The following EPM2A variants were observed in gnomAD, a reference collection of about 807,000 sequenced individuals.
EPM2A encodes EPM2A glucan phosphatase, laforin.
EPM2A carries 21 observed loss-of-function variants against 26.5 expected under a neutral mutation model. That is an observed-to-expected ratio of 0.79 (90% CI 0.56 to 1.14). EPM2A has a LOEUF of 1.14. Ranked by LOEUF, EPM2A falls within the 50% of genes most tolerant of loss-of-function variation. The probability of loss-of-function intolerance (pLI) is 0.00; values close to 1 mark genes in which losing one functional copy is unlikely to be tolerated. For synonymous variants in EPM2A, 217 were observed against 177.6 expected (o/e 1.22, Z -1.76); for missense variants, 458 against 440.8 (o/e 1.04, Z -0.35).
chr6:145,552,249 C>T (rs1185451666), intron 2 of EPM2A, among the ~76,000 whole-genome samples: 1 of 151,806 alleles, frequency 6.6e-6, no homozygotes, highest in Non-Finnish European at 1.5e-5. Context: ...ATCCCAGAAG[C>T]CAATACATCT....
At chr6:145,431,939 A>C (rs1308624007) in intron 4 of EPM2A, among the ~76,000 whole-genome samples, 3 of 152,344 alleles carry the variant, frequency 2.0e-5, no homozygotes, top group Admixed American at 6.5e-5. Context: ...TTGTCATATA[A>C]ATGATGCTCA....
At chr6:145,460,487 G>A (rs1283718162) in intron 4 of EPM2A, among the ~76,000 whole-genome samples, 1 of 152,168 alleles carries the variant, frequency 6.6e-6, no homozygotes, top group Non-Finnish European at 1.5e-5. Flanking sequence ...AGGTGGGTAA[G>A]ATAAGTATAT....
intron 2 of EPM2A, among the ~76,000 whole-genome samples, chr6:145,605,418 C>A (rs893784833): frequency 3.3e-5 from 5 of 152,038 alleles, no homozygotes; most frequent in African/African-American, 4.8e-5. Flanking sequence ...CACTCTTGTA[C>A]CTGATGCTAT....
rs542914503 is a variant in EPM2A, at chr6:145,712,878, T to C, written c.301+22320A>G. Among the ~76,000 whole-genome samples, 10 of 152,276 alleles carry C rather than the reference T, an allele frequency of 6.6e-5. No homozygotes were observed. The South Asian group carries it at 1.9e-3, about 28-fold the overall frequency. On this transcript the variant is annotated intron_variant, in intron 1 of 3. Transcript: ENST00000367519. ...TCTGACTTCTTTTTGTTTCCTCATC[T>C]TAACAAATCTGTAAAGGGCACCAAT... is the stretch of plus-strand genomic sequence containing the variant.
intron 4 of EPM2A, chr6:145,490,544 C>T (rs1779740918): frequency 1.4e-6 from 1 of 711,060 alleles, no homozygotes; most frequent in Non-Finnish European, 2.7e-6. Flanking sequence ...ACTTTCTTCC[C>T]AGTTCTTTGC....
intron 2 of EPM2A, among the ~76,000 whole-genome samples, chr6:145,683,290 TGTGTGTGTGTGTGTGTGA>T (rs1358960500): frequency 2.0e-5 from 3 of 149,684 alleles, no homozygotes; most frequent in East Asian, 2.0e-4. Context: ...TGTGTGTGTG[TGTGTGTGTGTGTGTGTGA>T]GTGTGTATAT....
intron 4 of EPM2A, among the ~76,000 whole-genome samples, chr6:145,461,174 G>T (rs1205284675): frequency 6.6e-6 from 1 of 152,124 alleles, no homozygotes; most frequent in Non-Finnish European, 1.5e-5. Flanking sequence ...AATATTTCTA[G>T]CCCAAAGCAA....
chr6:145,708,858 C>A (rs1181906348), intron 1 of EPM2A, among the ~76,000 whole-genome samples: 1 of 152,214 alleles, frequency 6.6e-6, no homozygotes, highest in Non-Finnish European at 1.5e-5. Flanking sequence ...CACAGACACT[C>A]AACAGCAGCC....
chr6:145,447,872 CAA>C (rs938118752), intron 4 of EPM2A, among the ~76,000 whole-genome samples: 6 of 151,898 alleles, frequency 4.0e-5, no homozygotes, highest in Non-Finnish European at 8.8e-5. Context: ...ATAAACATAA[CAA>C]ATAAATGTAT....
intron 2 of EPM2A, among the ~76,000 whole-genome samples, chr6:145,587,481 G>A (rs1290893587): frequency 6.6e-6 from 1 of 152,146 alleles, no homozygotes; most frequent in African/African-American, 2.4e-5. Context: ...GAAACAAGTT[G>A]CAGAAGAGTG....
chr6:145,400,071 G>A (rs1778461897), intron 4 of EPM2A, among the ~76,000 whole-genome samples: 1 of 152,062 alleles, frequency 6.6e-6, no homozygotes, highest in African/African-American at 2.4e-5. Context: ...ATTCCCATCT[G>A]GCCTAAAACA....
chr6:145,672,670 A>G (rs2128600835), intron 2 of EPM2A, among the ~76,000 whole-genome samples: 1 of 152,340 alleles, frequency 6.6e-6, no homozygotes, highest in East Asian at 1.9e-4. Flanking sequence ...AAGGTTAAAG[A>G]AGTCTCTGGA....
intron 1 of EPM2A, among the ~76,000 whole-genome samples, chr6:145,728,254 AC>A (rs369026764): frequency 3.9e-5 from 6 of 152,344 alleles, no homozygotes; most frequent in African/African-American, 7.2e-5. Context: ...CTATAAAGAT[AC>A]CTGAAAATGT....
chr6:145,617,311 C>T (rs1338819755), intron 2 of EPM2A, among the ~76,000 whole-genome samples: 1 of 152,160 alleles, frequency 6.6e-6, no homozygotes. Flanking sequence ...ATGAGGCCTT[C>T]CCAGCCACAT....
intron 2 of EPM2A, among the ~76,000 whole-genome samples, chr6:145,563,465 G>A (rs1468035349): frequency 2.0e-5 from 3 of 151,782 alleles, no homozygotes; most frequent in Admixed American, 1.3e-4. Context: ...AGGAAGATGC[G>A]GTTAGAGAGG....
intron 4 of EPM2A, among the ~76,000 whole-genome samples, chr6:145,470,039 G>A (rs1779453494): frequency 6.6e-6 from 1 of 152,002 alleles, no homozygotes; most frequent in Non-Finnish European, 1.5e-5. Context: ...TAGTGGTAGG[G>A]GTAGGGGGAA....
intron 2 of EPM2A, among the ~76,000 whole-genome samples, chr6:145,582,488 T>C (rs1239963999): frequency 2.0e-5 from 3 of 152,234 alleles, no homozygotes; most frequent in Non-Finnish European, 4.4e-5. Context: ...GTCCCAATTA[T>C]CTTCTGACTT....
At chr6:145,561,003 G>C (rs773754992) in intron 2 of EPM2A, among the ~76,000 whole-genome samples, 4 of 151,976 alleles carry the variant, frequency 2.6e-5, no homozygotes, top group Non-Finnish European at 5.9e-5. Flanking sequence ...GATTTATTCT[G>C]TAATTTGGAA....
At chr6:145,403,447 C>A (rs976281801) in intron 4 of EPM2A, among the ~76,000 whole-genome samples, 9 of 150,724 alleles carry the variant, frequency 6.0e-5, no homozygotes, top group Admixed American at 5.3e-4. Context: ...CTCTGGTAAC[C>A]ACCCTCTTAC....
Sources: gnomAD v4.1 joint callset for allele counts (sites outside exome capture counted in the v4.1 genomes callset) on GRCh38, gnomAD v4.1.1 for gene constraint, MANE v1.5 for transcripts, NCBI Gene and HGNC (gene_info 2026-07-23, HGNC 2026-07-21) for gene names.